IMPG1: variants seen among roughly 807,000 people sequenced by gnomAD.
IMPG1 encodes the protein interphotoreceptor matrix proteoglycan 1, also known as interphotoreceptor matrix proteoglycan of 150 kDa.
In IMPG1, 85 loss-of-function variants were observed where a neutral mutation model predicts 92.0. The observed-to-expected ratio is 0.92, with a 90% CI of 0.78 to 1.11. IMPG1 has a LOEUF of 1.11. Ranked by LOEUF, IMPG1 falls within the 50% of genes least tolerant of loss-of-function variation. The pLI is 0.00. For missense variants in IMPG1, 1,022 were observed against 956.0 expected (o/e 1.07, Z -0.91); for synonymous variants, 367 against 334.1 (o/e 1.10, Z -1.08).
At chr6:76,032,316 T>A (rs1292886248) in intron 4 of IMPG1, among the ~76,000 whole-genome samples, 1 of 147,166 alleles carries the variant, frequency 6.8e-6, no homozygotes. Context: ...TGTATTTTTT[T>A]GAAAATGGAA....
chr6:75,985,997 T>C (rs1255459636), intron 12 of IMPG1, among the ~76,000 whole-genome samples: 1 of 152,160 alleles, frequency 6.6e-6, no homozygotes, highest in Non-Finnish European at 1.5e-5. Flanking sequence ...CCAGGAACCA[T>C]GGGCAGATTG....
At chr6:76,034,377 C>T (rs1783699530) in intron 3 of IMPG1, 34 bp from the exon 4 acceptor site, 3 of 1,596,878 alleles carry the variant, frequency 1.9e-6, no homozygotes, top group Admixed American at 1.7e-5. Context: ...GTAATTTTAC[C>T]AGGAGATAAT....
chr6:75,955,274 C>T (rs1562347043), intron 12 of IMPG1, among the ~76,000 whole-genome samples: 1 of 152,076 alleles, frequency 6.6e-6, no homozygotes, highest in Non-Finnish European at 1.5e-5. Flanking sequence ...TTGTTTGTAT[C>T]CTCTCTTATT....
chr6:75,950,965 A>G lies in IMPG1; in HGVS notation c.1421T>C (p.Met474Thr). 1 of 1,613,982 alleles carries G rather than the reference A, an allele frequency of 6.2e-7. No homozygotes were observed. The highest frequency in any genetic ancestry group is 8.5e-7 in the Non-Finnish European group (1 of 1,179,932). ...GGGGATGGTGAGCCCTGGTACTAGC[A>G]TTGTCTGGTCAGTGGCCATTGTATC... ...TTDTMATDQT[M>T]LVPGLTIPTS... is the part of the protein sequence containing the mutation. Residue 474 changes from methionine (M) to threonine (T), a missense_variant, in exon 13 of 17, where the codon ATG (methionine) becomes ACG (threonine). This residue lies in a region of IMPG1 where 681 missense variants were observed against 583.6 expected (regional missense o/e 1.17). Transcript: ENST00000369950.
chr6:75,962,189 G>A (rs541142340), intron 12 of IMPG1, among the ~76,000 whole-genome samples: 8 of 151,956 alleles, frequency 5.3e-5, no homozygotes, highest in Admixed American at 1.3e-4. Context: ...GCATGATCAC[G>A]GCTCACTGCA....
At chr6:76,000,754 T>A (rs1167594798) in intron 12 of IMPG1, among the ~76,000 whole-genome samples, 1 of 152,180 alleles carries the variant, frequency 6.6e-6, no homozygotes, top group Non-Finnish European at 1.5e-5. Flanking sequence ...TTGTGAAAGT[T>A]ACATCCCTGC....
chr6:76,007,964 C>T (rs145427756), intron 8 of IMPG1, among the ~76,000 whole-genome samples: 173 of 152,222 alleles, frequency 1.1e-3, no homozygotes, highest in African/African-American at 3.9e-3. Flanking sequence ...GAGGCAAAAC[C>T]GTGGAACTGG....
At chr6:76,067,936 C>T (rs1784340261) in intron 1 of IMPG1, among the ~76,000 whole-genome samples, 1 of 152,014 alleles carries the variant, frequency 6.6e-6, no homozygotes, top group Non-Finnish European at 1.5e-5. Context: ...AAAACAAAAA[C>T]TATAAGATCA....
At position 76,041,880 on chromosome 6, in the gene IMPG1, T is replaced by C. The variant is rs1447655831; in HGVS notation, c.301+13A>G. 1.3e-6 allele frequency: 2 copies of C among 1,533,290 alleles called. No homozygotes were observed. The highest frequency in any genetic ancestry group is 1.4e-5 in the African/African-American group (1 of 73,308). The allele number at this position is 1,533,290 out of a possible 1,614,324, so 95.0% of individuals were successfully genotyped here. On this transcript the variant is annotated intron_variant, in intron 2 of 16. Transcript: ENST00000369950. ...AATAACACAAGGCTAAACGGTTTCA[T>C]CTCTTTCCTTACCTCTCAATCTATA...
chr6:76,065,643 A>T (rs1784296912), intron 1 of IMPG1, among the ~76,000 whole-genome samples: 1 of 152,146 alleles, frequency 6.6e-6, no homozygotes, highest in Non-Finnish European at 1.5e-5. Context: ...AAGTAAAAGG[A>T]TTGGAAAATA....
chr6:76,068,716 C>T (rs993954626), intron 1 of IMPG1, among the ~76,000 whole-genome samples: 1 of 151,558 alleles, frequency 6.6e-6, no homozygotes, highest in East Asian at 1.9e-4. Context: ...GGGGTTTCAC[C>T]ATGTTGGCCA....
intron 8 of IMPG1, among the ~76,000 whole-genome samples, chr6:76,009,421 G>A (rs555398004): frequency 6.6e-6 from 1 of 152,166 alleles, no homozygotes; most frequent in African/African-American, 2.4e-5. Context: ...TCAGTACCAG[G>A]AGACTCACAG....
intron 8 of IMPG1, 98 bp from the exon 9 acceptor site, chr6:76,007,598 A>T (rs561675630): frequency 3.2e-5 from 25 of 781,192 alleles, no homozygotes; most frequent in Non-Finnish European, 5.0e-5. Flanking sequence ...ACAAAAGAAA[A>T]AAATATTTCT....
chr6:75,935,172 T>C (rs542173567), intron 14 of IMPG1: 13 of 385,184 alleles, frequency 3.4e-5, no homozygotes, highest in South Asian at 1.8e-4. Flanking sequence ...TTTCTGACTT[T>C]AAAAACCACT....
chr6:76,041,464 A>T (rs1331966449), intron 2 of IMPG1, among the ~76,000 whole-genome samples: 2 of 152,220 alleles, frequency 1.3e-5, no homozygotes, highest in Non-Finnish European at 2.9e-5. Flanking sequence ...AACTTATAAG[A>T]GGATCTGGAT....
intron 14 of IMPG1, among the ~76,000 whole-genome samples, chr6:75,942,718 C>G (rs998558785): frequency 6.6e-6 from 1 of 152,144 alleles, no homozygotes; most frequent in Non-Finnish European, 1.5e-5. Flanking sequence ...AAATTTGGAT[C>G]AGCCAATCGC....
intron 6 of IMPG1, among the ~76,000 whole-genome samples, chr6:76,020,809 T>C (rs1783410106): frequency 1.3e-5 from 2 of 152,204 alleles, no homozygotes; most frequent in South Asian, 4.1e-4. Flanking sequence ...AGATGGGTTT[T>C]ATTTAACCCT....
At chr6:75,948,391 C>T (rs756350228) in intron 13 of IMPG1, among the ~76,000 whole-genome samples, 1 of 152,288 alleles carries the variant, frequency 6.6e-6, no homozygotes, top group South Asian at 2.1e-4. Context: ...ATGAATTGTA[C>T]TGTGAACCCA....
chr6:75,944,213 G>T (rs1781883399), intron 14 of IMPG1, among the ~76,000 whole-genome samples: 1 of 152,084 alleles, frequency 6.6e-6, no homozygotes, highest in South Asian at 2.1e-4. Flanking sequence ...TATTCCCTGT[G>T]CCCCCCTCTA....
Sources: gnomAD v4.1 joint callset for allele counts (sites outside exome capture counted in the v4.1 genomes callset) on GRCh38, gnomAD v4.1.1 for gene constraint, gnomAD v4.1.1 regional missense constraint, MANE v1.5 for transcripts, NCBI Gene and HGNC (gene_info 2026-07-23, HGNC 2026-07-21) for gene names.